The following AKAP7 variants were observed in gnomAD, a reference collection of about 807,000 sequenced individuals.
AKAP7 encodes the protein A-kinase anchoring protein 7.
A neutral mutation model predicts 39.5 loss-of-function variants in AKAP7; 39 were observed. The observed-to-expected ratio is 0.99, with a 90% CI of 0.76 to 1.29. The LOEUF (loss-of-function observed/expected upper bound fraction) is 1.29. Ranked by LOEUF, AKAP7 falls within the 50% of genes most tolerant of loss-of-function variation. The pLI is 0.00. For synonymous variants in AKAP7, 140 were observed against 139.1 expected (o/e 1.01, Z -0.05); for missense variants, 414 against 407.7 (o/e 1.02, Z -0.13).
the AKAP7 span, among the ~76,000 whole-genome samples, chr6:131,125,655 A>T: frequency 6.6e-6 from 1 of 152,192 alleles, no homozygotes; most frequent in Non-Finnish European, 1.5e-5. Flanking sequence ...CCAATACAGC[A>T]AGTGGCTTAG....
chr6:131,255,825 G>T (rs1421902991), intron 7 of AKAP7, among the ~76,000 whole-genome samples: 1 of 152,184 alleles, frequency 6.6e-6, no homozygotes, highest in Admixed American at 6.5e-5. Flanking sequence ...ATAAAAGAAT[G>T]AGTGATATAG....
In AKAP7 at chr6:131,199,387, G is replaced by A. The variant is rs1016760914; in HGVS notation, c.590-74G>A. ...AAATAATTAGTGATTGTTTGAACTG[G>A]TATTTTTTTTTACAGTTAAAAAGAA... On this transcript the variant is annotated intron_variant, in intron 5 of 7. Coordinates refer to ENST00000431975, the MANE Select transcript of AKAP7 (RefSeq NM_016377.4). The A allele has an allele frequency of 1.1e-5, 11 of 971,710 alleles. No individual in the cohort carries two copies. In the Admixed American group the frequency reaches 1.9e-4, roughly 17 times the overall value. The allele number at this position is 971,710 out of a possible 1,614,324, so 60.2% of individuals were successfully genotyped here.
chr6:131,250,679 AG>A (rs1812377186), intron 7 of AKAP7: 2 of 1,558,116 alleles, frequency 1.3e-6, no homozygotes, highest in Non-Finnish European at 8.8e-7. Context: ...GTTGTCTTCT[AG>A]GGGTAGTTTT....
Position 131,181,188 on chromosome 6 carries a change from G to A in AKAP7, c.589+11915G>A, listed in dbSNP as rs556128088. Among the ~76,000 whole-genome samples the A allele has an allele frequency of 6.6e-5, 10 of 152,050 alleles. No individual in the cohort carries two copies. In the South Asian group the frequency reaches 1.5e-3, roughly 22 times the overall value. ...TGACCTCAGGTGATCTGCCTGCCTCGGCCTCCCAAAATGCTGGGATTACAG... is the reference window on the plus strand; with the variant it reads ...TGACCTCAGGTGATCTGCCTGCCTCAGCCTCCCAAAATGCTGGGATTACAG... On this transcript the variant is annotated intron_variant, in intron 5 of 7. Coordinates refer to ENST00000431975, the MANE Select transcript of AKAP7 (RefSeq NM_016377.4).
chr6:131,210,362 C>G (rs1390207109), intron 6 of AKAP7, among the ~76,000 whole-genome samples: 1 of 152,216 alleles, frequency 6.6e-6, no homozygotes, highest in Non-Finnish European at 1.5e-5. Flanking sequence ...CCAATCCTCA[C>G]TTTATCTGTA....
chr6:131,155,862 T>C (rs1051321032), intron 2 of AKAP7, among the ~76,000 whole-genome samples: 1 of 152,196 alleles, frequency 6.6e-6, no homozygotes, highest in Admixed American at 6.5e-5. Context: ...TAAATTGAAT[T>C]TAGAGATCTT....
chr6:131,259,969 GC>G (rs1813172274), intron 7 of AKAP7, among the ~76,000 whole-genome samples: 1 of 151,892 alleles, frequency 6.6e-6, no homozygotes, highest in South Asian at 2.1e-4. Flanking sequence ...CACCCAACAG[GC>G]CCCAGTGTGT....
At chr6:131,218,703 C>A (rs1439761147) in intron 6 of AKAP7, among the ~76,000 whole-genome samples, 1 of 152,088 alleles carries the variant, frequency 6.6e-6, no homozygotes, top group African/African-American at 2.4e-5. Flanking sequence ...ACAGAGGTAC[C>A]AAGGGCATCC....
chr6:131,252,468 C>T (rs1178183741), intron 7 of AKAP7, among the ~76,000 whole-genome samples: 1 of 152,136 alleles, frequency 6.6e-6, no homozygotes, highest in Non-Finnish European at 1.5e-5. Context: ...CTTCATACTC[C>T]GTTCACACTC....
chr6:131,156,923 C>T (rs1346847048), intron 2 of AKAP7, among the ~76,000 whole-genome samples: 2 of 151,790 alleles, frequency 1.3e-5, no homozygotes, highest in East Asian at 2.0e-4. Flanking sequence ...TACAGGCGGT[C>T]GCCACCACGC....
intron 7 of AKAP7, among the ~76,000 whole-genome samples, chr6:131,270,054 A>G (rs1814142371): frequency 6.6e-6 from 1 of 152,184 alleles, no homozygotes; most frequent in Non-Finnish European, 1.5e-5. Flanking sequence ...GTCCCTCATC[A>G]TGGGGAAGAA....
intron 1 of AKAP7, among the ~76,000 whole-genome samples, chr6:131,143,192 G>T (rs981197851): frequency 6.6e-6 from 1 of 152,142 alleles, no homozygotes; most frequent in Non-Finnish European, 1.5e-5. Context: ...ATTATATTTT[G>T]CAGTGAGATT....
chr6:131,130,191 G>T, the AKAP7 span, among the ~76,000 whole-genome samples: 1 of 152,208 alleles, frequency 6.6e-6, no homozygotes, highest in East Asian at 1.9e-4. Flanking sequence ...TGTCTGTAAA[G>T]AAACTTGCTG....
intron 6 of AKAP7, among the ~76,000 whole-genome samples, chr6:131,217,591 A>AT (rs1809300894): frequency 6.6e-6 from 1 of 152,248 alleles, no homozygotes; most frequent in African/African-American, 2.4e-5. Flanking sequence ...GAGTTAAGGA[A>AT]TTAATTCTGT....
intron 5 of AKAP7, among the ~76,000 whole-genome samples, chr6:131,183,332 A>G (rs1805469748): frequency 6.6e-6 from 1 of 152,146 alleles, no homozygotes; most frequent in African/African-American, 2.4e-5. Flanking sequence ...ATGCAGGGGA[A>G]GAAAGGGATG....
chr6:131,252,924 T>C (rs1812551135), intron 7 of AKAP7: 2 of 1,015,948 alleles, frequency 2.0e-6, no homozygotes, highest in Non-Finnish European at 3.0e-6. Context: ...CTTCTAATTC[T>C]GTAACAGGCG....
At chr6:131,164,282 G>A (rs1803262748) in intron 3 of AKAP7, 1 of 430,424 alleles carries the variant, frequency 2.3e-6, no homozygotes, top group African/African-American at 2.0e-5. Flanking sequence ...TTTTTTCTGG[G>A]TTTGCTATTT....
intron 7 of AKAP7, among the ~76,000 whole-genome samples, chr6:131,225,262 G>T (rs958310724): frequency 6.6e-6 from 1 of 151,832 alleles, no homozygotes; most frequent in African/African-American, 2.4e-5. Context: ...AGTTTTTTTT[G>T]GAGCTCATCT....
chr6:131,280,949 A>G (rs1252661146), intron 7 of AKAP7, among the ~76,000 whole-genome samples: 1 of 152,208 alleles, frequency 6.6e-6, no homozygotes, highest in Non-Finnish European at 1.5e-5. Flanking sequence ...CTTAAATTGC[A>G]GTGATAGCAC....
Sources: allele counts gnomAD v4.1 joint callset (sites outside exome capture counted in the v4.1 genomes callset), GRCh38; gene constraint gnomAD v4.1.1; transcripts MANE v1.5; gene names NCBI Gene and HGNC (gene_info 2026-07-23, HGNC 2026-07-21).